The following NELL2 variants were observed in gnomAD, a reference collection of about 807,000 sequenced individuals.
NELL2 encodes neural EGFL like 2, also known as protein kinase C-binding protein NELL2.
NELL2 carries 41 observed loss-of-function variants against 109.6 expected under a neutral mutation model. The ratio of observed to expected loss-of-function variants is 0.37; its 90% CI spans 0.29 to 0.49. The LOEUF is 0.49. NELL2 is among the 20% of genes least tolerant of loss of function. The probability of loss-of-function intolerance (pLI) is 0.98; values close to 1 mark genes in which losing one functional copy is unlikely to be tolerated. For synonymous variants in NELL2, 355 were observed against 344.7 expected, an observed-to-expected ratio of 1.03 and a Z score of -0.33; for missense variants, 900 against 1,008.3, an observed-to-expected ratio of 0.89 and a Z score of 1.45.
chr12:44,526,338 T>C lies in NELL2; in HGVS notation c.1805-2854A>G, dbSNP rs553367114. On this transcript the variant is annotated intron_variant, in intron 16 of 19. Coordinates refer to ENST00000429094, the MANE Select transcript of NELL2 (RefSeq NM_001145108.2). Reference sequence around the variant, plus strand: ...TGGAATGTACCAGACTCTGAGTACTTTCCTTATAATGATTTATTTAATCTT... The same window carrying C: ...TGGAATGTACCAGACTCTGAGTACTCTCCTTATAATGATTTATTTAATCTT... Among the ~76,000 whole-genome samples the C allele has an allele frequency of 9.8e-4, 149 of 152,280 alleles. 1 individual carries two copies. The highest frequency in any genetic ancestry group is 3.3e-3 in the African/African-American group (138 of 41,556).
At chr12:44,698,223 G>A (rs1377867470) in intron 12 of NELL2, among the ~76,000 whole-genome samples, 1 of 152,144 alleles carries the variant, frequency 6.6e-6, no homozygotes, top group Non-Finnish European at 1.5e-5. Flanking sequence ...ATTCTCAGAT[G>A]CTCATGGTTA....
intron 2 of NELL2, among the ~76,000 whole-genome samples, chr12:44,827,679 C>T (rs578067702): frequency 7.9e-5 from 12 of 152,246 alleles, no homozygotes; most frequent in African/African-American, 2.4e-4. Context: ...TGGTACTCAT[C>T]GTGTGTAAGT....
chr12:44,543,837 TTCCCAACTCC>T (rs1481628965), intron 15 of NELL2, among the ~76,000 whole-genome samples: 1 of 152,162 alleles, frequency 6.6e-6, no homozygotes, highest in East Asian at 1.9e-4. Flanking sequence ...GATCTTCACT[TTCCCAACTCC>T]TCCCTCATTT....
intron 14 of NELL2, among the ~76,000 whole-genome samples, chr12:44,609,424 C>A (rs1945527844): frequency 6.6e-6 from 1 of 152,050 alleles, no homozygotes; most frequent in Admixed American, 6.6e-5. Context: ...TCTCATCATG[C>A]TACTCAGAAT....
intron 12 of NELL2, among the ~76,000 whole-genome samples, chr12:44,680,860 A>C (rs1355358956): frequency 1.3e-5 from 2 of 152,280 alleles, no homozygotes; most frequent in East Asian, 3.9e-4. Flanking sequence ...TATTCATTAT[A>C]TTAATAATGA....
intron 13 of NELL2, among the ~76,000 whole-genome samples, chr12:44,638,501 G>T (rs1323596332): frequency 6.6e-6 from 1 of 152,102 alleles, no homozygotes; most frequent in Non-Finnish European, 1.5e-5. Context: ...GAATTGATTA[G>T]GGAAAATACA....
chr12:44,783,451 A>T (rs1196896063), intron 3 of NELL2, among the ~76,000 whole-genome samples: 5 of 151,922 alleles, frequency 3.3e-5, no homozygotes, highest in African/African-American at 4.8e-5. Context: ...GAACAGTTCA[A>T]TAAAATTAAT....
At chr12:44,528,097 C>CAAAAAAAAAAAAAAAAAAAAAAA (rs71093812) in intron 16 of NELL2, among the ~76,000 whole-genome samples, 4 of 22,000 alleles carry the variant, frequency 1.8e-4, no homozygotes, top group Non-Finnish European at 2.4e-4. Context: ...GACTCCGTCT[C>CAAAAAAAAAAAAAAAAAAAAAAA]AAAAAAAAAA....
chr12:44,796,968 T>G (rs1942646261), intron 3 of NELL2, among the ~76,000 whole-genome samples: 1 of 152,018 alleles, frequency 6.6e-6, no homozygotes, highest in Non-Finnish European at 1.5e-5. Flanking sequence ...GAAAGAGCAC[T>G]TGGAGCTATG....
chr12:44,508,701 T>C lies in NELL2; in HGVS notation c.*233A>G, dbSNP rs1454445704. The C allele has an allele frequency of 2.7e-5, 14 of 528,062 alleles. No individual in the cohort carries two copies. Among genetic ancestry groups the C allele is most frequent in the Non-Finnish European group, 4.5e-5 (13 of 290,462 alleles). 32.7% of individuals were successfully genotyped at this position (528,062 alleles called of 1,614,324 possible). ...GGTATATACTGTACGCCCATTCTTC[T>C]ACATGGTGATGTGAGACACAGTAGA... is the stretch of plus-strand genomic sequence containing the variant. On this transcript the variant is annotated 3_prime_UTR_variant, in exon 20 of 20. Coordinates refer to ENST00000429094, the MANE Select transcript of NELL2 (RefSeq NM_001145108.2).
chr12:44,557,459 T>A (rs1312781746), intron 15 of NELL2, among the ~76,000 whole-genome samples: 1 of 152,090 alleles, frequency 6.6e-6, no homozygotes, highest in Non-Finnish European at 1.5e-5. Context: ...GGAAGAACAC[T>A]GAAGAGGACA....
chr12:44,887,625 TG>T (rs1038407431), intron 1 of NELL2, among the ~76,000 whole-genome samples: 22 of 150,778 alleles, frequency 1.5e-4, no homozygotes, highest in Non-Finnish European at 2.8e-4. Context: ...ATTTGGGGTT[TG>T]GGGGGATTAT....
upstream of NELL2, among the ~76,000 whole-genome samples, chr12:44,914,645 T>C (rs1008164623): frequency 1.1e-4 from 17 of 152,180 alleles, no homozygotes; most frequent in Non-Finnish European, 2.2e-4. Flanking sequence ...TATTCTCTGA[T>C]ATATTCCCAC....
At chr12:44,902,585 G>A (rs146584149) in intron 1 of NELL2, among the ~76,000 whole-genome samples, 1,824 of 152,158 alleles carry the variant, frequency 0.012, 48 homozygotes, top group African/African-American at 0.042. Context: ...AAAAGAGCCC[G>A]TATAGCCAAG....
chr12:44,773,773 T>C (rs896638000), intron 9 of NELL2, among the ~76,000 whole-genome samples: 1 of 152,178 alleles, frequency 6.6e-6, no homozygotes, highest in African/African-American at 2.4e-5. Flanking sequence ...CTGGCTTCAA[T>C]GTAAAGCCTA....
upstream of NELL2, among the ~76,000 whole-genome samples, chr12:44,917,327 C>A (rs1404021435): frequency 1.3e-5 from 2 of 152,206 alleles, no homozygotes; most frequent in Non-Finnish European, 2.9e-5. Context: ...TTCAGAGAAA[C>A]CCAGCCCAAC....
Position 44,630,885 on chromosome 12 carries a change from G to C in NELL2, c.1445-19915C>G, listed in dbSNP as rs141592692. Among the ~76,000 whole-genome samples, 141 of 152,156 alleles carry C rather than the reference G, an allele frequency of 9.3e-4. 5 individuals carry two copies. In the East Asian group the frequency reaches 0.027, roughly 29 times the overall value. ...TGCTCCAGGGTGTAAAATAAGGATA[G>C]CTTAATCACTGACTCAAGAATATGG... On this transcript the variant is annotated intron_variant, in intron 13 of 19. Coordinates refer to ENST00000429094, the MANE Select transcript of NELL2 (RefSeq NM_001145108.2).
intron 10 of NELL2, among the ~76,000 whole-genome samples, 188 bp downstream of exon 10, chr12:44,714,462 A>AT (rs1938377683): frequency 6.6e-6 from 1 of 151,970 alleles, no homozygotes; most frequent in African/African-American, 2.4e-5. Flanking sequence ...TGGAAAAATT[A>AT]TTTTTCAACC....
At chr12:44,542,402 T>C (rs745368863) in intron 15 of NELL2, among the ~76,000 whole-genome samples, 35 of 152,016 alleles carry the variant, frequency 2.3e-4, no homozygotes, top group Non-Finnish European at 2.8e-4. Flanking sequence ...AGTGATTTCA[T>C]TTAGTACCAG....
Sources: allele counts gnomAD v4.1 joint callset (sites outside exome capture counted in the v4.1 genomes callset), GRCh38; gene constraint gnomAD v4.1.1; transcripts MANE v1.5; gene names NCBI Gene and HGNC (gene_info 2026-07-23, HGNC 2026-07-21).